Variants in KIAA0319 observed in about 807,000 individuals in gnomAD.
KIAA0319 encodes dyslexia-associated protein KIAA0319.
Under a neutral mutation model 108.4 loss-of-function variants are expected in KIAA0319, and 83 were observed. The observed-to-expected ratio is 0.77, with a 90% CI of 0.64 to 0.92. KIAA0319 has a LOEUF of 0.92. KIAA0319 is among the 40% of genes least tolerant of loss of function. KIAA0319 has a pLI of 0.00. For missense variants in KIAA0319, 1,195 were observed against 1,322.4 expected (o/e 0.90, Z 1.49); for synonymous variants, 484 against 510.4 (o/e 0.95, Z 0.70).
intron 20 of KIAA0319, among the ~76,000 whole-genome samples, chr6:24,550,523 G>A (rs1366630002): frequency 7.9e-5 from 12 of 152,226 alleles, no homozygotes; most frequent in South Asian, 2.1e-4. Context: ...AAAGTTAACC[G>A]AGGTGGGCAA....
chr6:24,594,792 A>C (rs1475865705), intron 3 of KIAA0319, among the ~76,000 whole-genome samples: 4 of 152,204 alleles, frequency 2.6e-5, no homozygotes, highest in African/African-American at 9.7e-5. Context: ...TTTCCTTTAA[A>C]AAATTCTTGA....
At chr6:24,549,119 C>T (rs1037099660) in intron 20 of KIAA0319, among the ~76,000 whole-genome samples, 5 of 151,518 alleles carry the variant, frequency 3.3e-5, no homozygotes, top group African/African-American at 1.2e-4. Flanking sequence ...GTCAGGAGTT[C>T]GAGACCAGCC....
chr6:24,639,568 G>A (rs1370789012), intron 1 of KIAA0319, among the ~76,000 whole-genome samples: 1 of 152,174 alleles, frequency 6.6e-6, no homozygotes, highest in Non-Finnish European at 1.5e-5. Context: ...AAGAAAAGCT[G>A]GCTGGACGCG....
At chr6:24,632,446 A>G (rs1775701340) in intron 1 of KIAA0319, among the ~76,000 whole-genome samples, 1 of 152,218 alleles carries the variant, frequency 6.6e-6, no homozygotes, top group Non-Finnish European at 1.5e-5. Context: ...TGAGTAAGGA[A>G]TATAAAAGAT....
intron 16 of KIAA0319, among the ~76,000 whole-genome samples, chr6:24,560,617 A>G (rs1762983058): frequency 6.6e-6 from 1 of 152,250 alleles, no homozygotes; most frequent in Non-Finnish European, 1.5e-5. Flanking sequence ...CCAGAAGTCC[A>G]AAATCAAAGT....
intron 12 of KIAA0319, 105 bp from the exon 13 acceptor site, chr6:24,569,034 T>A (rs1764296439): frequency 7.1e-6 from 8 of 1,130,808 alleles, no homozygotes; most frequent in Admixed American, 2.1e-5. Flanking sequence ...AGCTATAATA[T>A]ATACCATTTA....
chr6:24,633,880 G>A (rs533250111), intron 1 of KIAA0319, among the ~76,000 whole-genome samples: 2 of 152,204 alleles, frequency 1.3e-5, no homozygotes, highest in Admixed American at 1.3e-4. Context: ...AACAAATGCT[G>A]TCATGACAAC....
chr6:24,552,669 A>C (rs1761676169), intron 19 of KIAA0319, among the ~76,000 whole-genome samples: 1 of 152,162 alleles, frequency 6.6e-6, no homozygotes, highest in Admixed American at 6.5e-5. Context: ...GCAATGGTGC[A>C]ATCTCAGCTC....
At chr6:24,642,969 A>G (rs1002818860) in intron 1 of KIAA0319, among the ~76,000 whole-genome samples, 6 of 152,188 alleles carry the variant, frequency 3.9e-5, no homozygotes, top group Non-Finnish European at 8.8e-5. Context: ...CGGACTCCCA[A>G]AGTGCTGGGA....
rs371496617 is a variant in KIAA0319 at position 24,588,789 on chromosome 6, C to A, written c.802-4G>T. On this transcript the variant is annotated splice_region_variant and splice_polypyrimidine_tract_variant and intron_variant, in intron 3 of 20. Coordinates refer to ENST00000378214, the MANE Select transcript of KIAA0319 (RefSeq NM_014809.4). ...GACTATGGGAAGGCATTAGAACCTACGAGATCAATTACAAGGATAAATTGT... is the reference window on the plus strand; with the variant it reads ...GACTATGGGAAGGCATTAGAACCTAAGAGATCAATTACAAGGATAAATTGT... 2 of 1,609,310 alleles carry A rather than the reference C, an allele frequency of 1.2e-6. No individual in the cohort carries two copies. The highest frequency in any genetic ancestry group is 3.3e-4 in the Middle Eastern group (2 of 6,044).
In KIAA0319 at chr6:24,596,078, A is replaced by G. The variant is rs1769514240; in HGVS notation, c.596T>C (p.Val199Ala). Residue 199 changes from valine to alanine, a missense_variant, in exon 3 of 21, where the codon GTT becomes GCT. Transcript: ENST00000378214. The stretch of plus-strand genomic sequence containing the variant: ...CGCTGGCACCGCAGGACTGTCTCCA[A>G]CAGAGGAGTTGAAGGCCCCCTCGCT... Reference protein sequence around the residue: ...PGSEGAFNSSVGDSPAVPAET... With the variant: ...PGSEGAFNSSAGDSPAVPAET... The G allele has an allele frequency of 1.2e-6, 2 of 1,614,078 alleles. No homozygotes were observed. Among genetic ancestry groups the G allele is most frequent in the South Asian group, 2.2e-5 (2 of 91,076 alleles).
intron 1 of KIAA0319, among the ~76,000 whole-genome samples, chr6:24,621,430 C>G (rs1397607158): frequency 6.6e-6 from 1 of 152,126 alleles, no homozygotes; most frequent in Non-Finnish European, 1.5e-5. Context: ...ACAAGAACCA[C>G]CATTATTCCA....
intron 18 of KIAA0319, among the ~76,000 whole-genome samples, chr6:24,555,984 GT>G (rs943535739): frequency 3.3e-5 from 5 of 152,202 alleles, no homozygotes; most frequent in Admixed American, 3.3e-4. Context: ...TCATTAGGAA[GT>G]TTTATGTAAA....
chr6:24,611,229 C>T (rs60613681), intron 1 of KIAA0319, among the ~76,000 whole-genome samples: 11 of 151,068 alleles, frequency 7.3e-5, no homozygotes, highest in African/African-American at 2.4e-4. Flanking sequence ...CAGTGGCTCA[C>T]GCCTGTAATC....
intron 1 of KIAA0319, among the ~76,000 whole-genome samples, chr6:24,628,491 C>T (rs1017150631): frequency 7.2e-5 from 11 of 152,034 alleles, no homozygotes; most frequent in African/African-American, 2.7e-4. Flanking sequence ...TTCCGTTCCC[C>T]CATCAGGTTC....
chr6:24,637,130 T>C (rs748425382), intron 1 of KIAA0319, among the ~76,000 whole-genome samples: 4 of 152,218 alleles, frequency 2.6e-5, no homozygotes, highest in Non-Finnish European at 5.9e-5. Context: ...ATCAAAGCAA[T>C]GGCTACCAAG....
chr6:24,553,784 G>T (rs1166637655), intron 19 of KIAA0319, among the ~76,000 whole-genome samples: 1 of 152,176 alleles, frequency 6.6e-6, no homozygotes, highest in Non-Finnish European at 1.5e-5. Context: ...AAGACGACAG[G>T]GTTCAGGGAG....
chr6:24,634,279 G>C (rs555914856), intron 1 of KIAA0319, among the ~76,000 whole-genome samples: 74 of 152,252 alleles, frequency 4.9e-4, no homozygotes, highest in Admixed American at 3.5e-3. Context: ...TAAAATACAA[G>C]CACACCTCGA....
intron 1 of KIAA0319, among the ~76,000 whole-genome samples, chr6:24,639,540 T>C (rs1013676239): frequency 6.6e-6 from 1 of 152,086 alleles, no homozygotes; most frequent in Non-Finnish European, 1.5e-5. Flanking sequence ...ATGAAACTTT[T>C]AAAAAAAGAG....
Sources: gnomAD v4.1 joint callset for allele counts (sites outside exome capture counted in the v4.1 genomes callset) on GRCh38, gnomAD v4.1.1 for gene constraint, MANE v1.5 for transcripts, NCBI Gene and HGNC (gene_info 2026-07-23, HGNC 2026-07-21) for gene names.